GRXCR2: variants seen among roughly 807,000 people sequenced by gnomAD.
The protein encoded by GRXCR2 is glutaredoxin domain-containing cysteine-rich protein 2.
A neutral mutation model predicts 24.8 loss-of-function variants in GRXCR2; 23 were observed. That is an observed-to-expected ratio of 0.93 (90% confidence interval 0.67 to 1.32). GRXCR2 has a LOEUF of 1.32. GRXCR2 is among the 40% of genes most tolerant of loss of function. The pLI, the probability that GRXCR2 is intolerant of heterozygous loss-of-function variation, is 0.00. For missense variants in GRXCR2, 315 were observed against 303.4 expected, an observed-to-expected ratio of 1.04 and a Z score of -0.28; for synonymous variants, 130 against 116.1, an observed-to-expected ratio of 1.12 and a Z score of -0.77.
intron 2 of GRXCR2, among the ~76,000 whole-genome samples, chr5:145,893,394 C>T (rs561013441): frequency 2.6e-5 from 4 of 152,052 alleles, no homozygotes; most frequent in Non-Finnish European, 5.9e-5. Context: ...ACCCATCTCA[C>T]GTGCAGAGAC....
At position 145,904,174 on chromosome 5, in the gene GRXCR2, C is replaced by T. The variant is rs183454979; in HGVS notation, c.-70+31527G>A. Reference sequence around the variant, plus strand: ...AGCTCTGGGAGGATGACATCCCTCACGCCAAGGATCCTCAATCCCACCCCA... The same window carrying T: ...AGCTCTGGGAGGATGACATCCCTCATGCCAAGGATCCTCAATCCCACCCCA... On this transcript the variant is annotated intron_variant, in intron 2 of 3. Coordinates refer to the GRXCR2 transcript ENST00000639411. Among the ~76,000 whole-genome samples the T allele has an allele frequency of 2.4e-4, 37 of 152,224 alleles. 1 individual carries two copies. In the East Asian group the frequency reaches 6.0e-3, roughly 25 times the overall value.
At chr5:145,919,588 A>C (rs186645898) in intron 2 of GRXCR2, among the ~76,000 whole-genome samples, 1 of 152,274 alleles carries the variant, frequency 6.6e-6, no homozygotes, top group Admixed American at 6.5e-5. Flanking sequence ...ATGACAAAGA[A>C]GGGTTTAAGT....
At chr5:145,899,780 G>A (rs1351682913) in intron 2 of GRXCR2, among the ~76,000 whole-genome samples, 2 of 152,030 alleles carry the variant, frequency 1.3e-5, no homozygotes, top group African/African-American at 4.8e-5. Flanking sequence ...AGACTTAAAT[G>A]TAAAACCTCA....
In GRXCR2 at chr5:145,862,651, T is replaced by C. The variant is rs148654704; in HGVS notation, c.565-2736A>G. ...TCCATGACCAAGAAGAGGGGCCTGA[T>C]CTTTTACTGCAGACTCCAAGGCTTG... On this transcript the variant is annotated intron_variant, in intron 2 of 2. Transcript: ENST00000377976. 3.4e-3 allele frequency among the ~76,000 whole-genome samples: 522 copies of C among 152,304 alleles called. 7 individuals carry two copies. Among genetic ancestry groups the C allele is most frequent in the African/African-American group, 0.012 (494 of 41,568 alleles).
chr5:145,888,034 G>A (rs1756801094), intron 2 of GRXCR2, among the ~76,000 whole-genome samples: 1 of 152,170 alleles, frequency 6.6e-6, no homozygotes, highest in South Asian at 2.1e-4. Flanking sequence ...GCAGGTAATT[G>A]TTTAATTTAT....
At chr5:145,893,610 C>A (rs1185970433) in intron 2 of GRXCR2, among the ~76,000 whole-genome samples, 1 of 152,204 alleles carries the variant, frequency 6.6e-6, no homozygotes, top group Non-Finnish European at 1.5e-5. Flanking sequence ...GCACCCAATA[C>A]AGGAGCACCC....
intron 2 of GRXCR2, among the ~76,000 whole-genome samples, chr5:145,927,887 C>A (rs1221901180): frequency 3.9e-5 from 6 of 152,054 alleles, no homozygotes; most frequent in Admixed American, 1.3e-4. Flanking sequence ...GCAACAAAAG[C>A]CAAAATTGAC....
chr5:145,862,235 C>T (rs185047556), intron 2 of GRXCR2, among the ~76,000 whole-genome samples: 183 of 152,226 alleles, frequency 1.2e-3, no homozygotes, highest in African/African-American at 4.0e-3. Flanking sequence ...TTGCATAAAA[C>T]GCCAGATCAG....
chr5:145,884,560 A>C (rs867732155), intron 2 of GRXCR2, among the ~76,000 whole-genome samples: 4 of 152,180 alleles, frequency 2.6e-5, no homozygotes, highest in Non-Finnish European at 4.4e-5. Flanking sequence ...TTATTATTAA[A>C]AAGTTTATCC....
At chr5:145,896,975 T>C (rs1427002816) in intron 2 of GRXCR2, among the ~76,000 whole-genome samples, 1 of 152,026 alleles carries the variant, frequency 6.6e-6, no homozygotes, top group Non-Finnish European at 1.5e-5. Flanking sequence ...TGAGTTCATG[T>C]CCTTTGTAGG....
At chr5:145,923,332 C>A (rs192614436) in intron 2 of GRXCR2, among the ~76,000 whole-genome samples, 7 of 152,100 alleles carry the variant, frequency 4.6e-5, no homozygotes, top group South Asian at 2.1e-4. Flanking sequence ...GGGTGATAAG[C>A]AATGAGCCTG....
At chr5:145,881,595 T>C (rs1389727283) in intron 2 of GRXCR2, among the ~76,000 whole-genome samples, 3 of 152,204 alleles carry the variant, frequency 2.0e-5, no homozygotes, top group African/African-American at 7.2e-5. Context: ...AAAATGGCCA[T>C]GCTGTCCAAG....
At chr5:145,927,391 G>C (rs182103454) in intron 2 of GRXCR2, among the ~76,000 whole-genome samples, 2 of 152,142 alleles carry the variant, frequency 1.3e-5, no homozygotes, top group Non-Finnish European at 2.9e-5. Flanking sequence ...TTATTATTTT[G>C]AGATATGTCC....
chr5:145,890,303 T>A (rs1309855713), intron 2 of GRXCR2, among the ~76,000 whole-genome samples: 1 of 152,178 alleles, frequency 6.6e-6, no homozygotes, highest in Non-Finnish European at 1.5e-5. Context: ...TTGGCCAGGC[T>A]GGTCTTGAAC....
chr5:145,857,773 A>C (rs1756262776), downstream of GRXCR2, among the ~76,000 whole-genome samples: 1 of 152,130 alleles, frequency 6.6e-6, no homozygotes, highest in African/African-American at 2.4e-5. Flanking sequence ...GCATAACCCC[A>C]CTAAGGCTTA....
chr5:145,878,015 C>T (rs1300312827), intron 2 of GRXCR2, among the ~76,000 whole-genome samples: 1 of 151,266 alleles, frequency 6.6e-6, no homozygotes, highest in African/African-American at 2.4e-5. Context: ...ACAAAAAGGA[C>T]ATCTACACCA....
intron 2 of GRXCR2, among the ~76,000 whole-genome samples, chr5:145,915,386 C>T (rs1757222559): frequency 1.3e-5 from 2 of 152,136 alleles, no homozygotes; most frequent in Non-Finnish European, 1.5e-5. Context: ...CTGTAGGGCC[C>T]TTTGGGCTGA....
chr5:145,892,451 G>A (rs1192664076), intron 2 of GRXCR2, among the ~76,000 whole-genome samples: 3 of 152,194 alleles, frequency 2.0e-5, no homozygotes, highest in African/African-American at 7.2e-5. Context: ...ACCTGATGGA[G>A]CTGAAAACCA....
At chr5:145,887,512 G>A (rs983104415) in intron 2 of GRXCR2, among the ~76,000 whole-genome samples, 11 of 152,256 alleles carry the variant, frequency 7.2e-5, no homozygotes, top group East Asian at 5.8e-4. Context: ...CAGACATTTC[G>A]TGGGTGAGAG....
Sources: allele counts gnomAD v4.1 joint callset (sites outside exome capture counted in the v4.1 genomes callset), GRCh38; gene constraint gnomAD v4.1.1; transcripts MANE v1.5; gene names NCBI Gene and HGNC (gene_info 2026-07-23, HGNC 2026-07-21).